CCDC7: variants seen among roughly 807,000 people sequenced by gnomAD.
The protein encoded by CCDC7 is coiled-coil domain-containing protein 7.
A neutral mutation model predicts 196.9 loss-of-function variants in CCDC7; 183 were observed. The observed-to-expected ratio is 0.93, with a 90% CI of 0.82 to 1.05. CCDC7 has a LOEUF of 1.05. Ranked by LOEUF, CCDC7 falls within the 50% of genes least tolerant of loss-of-function variation. CCDC7 has a pLI of 0.00. For synonymous variants in CCDC7, 525 were observed against 484.6 expected, an observed-to-expected ratio of 1.08 and a Z score of -1.10; for missense variants, 1,540 against 1,482.2, an observed-to-expected ratio of 1.04 and a Z score of -0.64.
chr10:32,639,823 G>A (rs2066385095), intron 20 of CCDC7, among the ~76,000 whole-genome samples: 1 of 151,964 alleles, frequency 6.6e-6, no homozygotes, highest in South Asian at 2.1e-4. Flanking sequence ...TAGAGATGGG[G>A]TTTCACCATG....
intron 8 of CCDC7, among the ~76,000 whole-genome samples, chr10:32,488,832 G>T (rs745912489): frequency 2.6e-5 from 4 of 152,084 alleles, no homozygotes; most frequent in Non-Finnish European, 5.9e-5. Flanking sequence ...AGACTTTATG[G>T]ACTAGTTTTA....
chr10:32,587,825 A>G (rs1293126690), intron 18 of CCDC7, among the ~76,000 whole-genome samples: 1 of 152,092 alleles, frequency 6.6e-6, no homozygotes, highest in African/African-American at 2.4e-5. Flanking sequence ...GGACATCCTC[A>G]TTTTTTCCTT....
At chr10:32,759,075 T>G (rs1436458623) in intron 28 of CCDC7, among the ~76,000 whole-genome samples, 1 of 152,174 alleles carries the variant, frequency 6.6e-6, no homozygotes, top group Admixed American at 6.5e-5. Flanking sequence ...TACAAACCAC[T>G]GCTCAATGAA....
chr10:32,810,886 A>G (rs1310288747), intron 30 of CCDC7, among the ~76,000 whole-genome samples: 1 of 152,148 alleles, frequency 6.6e-6, no homozygotes, highest in Non-Finnish European at 1.5e-5. Flanking sequence ...GTGCAAACAC[A>G]TGGAAATTAA....
intron 29 of CCDC7, among the ~76,000 whole-genome samples, chr10:32,792,273 G>A (rs1401570981): frequency 1.3e-5 from 2 of 152,142 alleles, no homozygotes; most frequent in African/African-American, 4.8e-5. Flanking sequence ...CTCATCATGG[G>A]TAGAGATAAA....
chr10:32,494,252 G>A (rs1005004443), intron 9 of CCDC7, among the ~76,000 whole-genome samples: 6 of 151,990 alleles, frequency 3.9e-5, no homozygotes. Flanking sequence ...TTCTTCTGTA[G>A]TCTCTTCAAC....
intron 24 of CCDC7, among the ~76,000 whole-genome samples, chr10:32,708,358 C>T (rs189553481): frequency 1.3e-5 from 2 of 152,230 alleles, no homozygotes; most frequent in East Asian, 1.9e-4. Flanking sequence ...GACCTAAAAC[C>T]ATAAAAACCC....
intron 16 of CCDC7, among the ~76,000 whole-genome samples, chr10:32,575,626 T>G (rs1359953424): frequency 6.6e-6 from 1 of 152,092 alleles, no homozygotes; most frequent in Non-Finnish European, 1.5e-5. Context: ...AGTGGCCTTG[T>G]TGGAAAAAGG....
At chr10:32,636,277 G>A (rs1264164202) in intron 20 of CCDC7, among the ~76,000 whole-genome samples, 3 of 151,802 alleles carry the variant, frequency 2.0e-5, no homozygotes, top group Non-Finnish European at 2.9e-5. Context: ...TGTGCACAAC[G>A]TGCAGGTTTG....
chr10:32,714,252 G>T (rs1223169090), intron 25 of CCDC7, among the ~76,000 whole-genome samples: 1 of 152,152 alleles, frequency 6.6e-6, no homozygotes, highest in African/African-American at 2.4e-5. Flanking sequence ...CAAGGAGGGC[G>T]AGCAGAAGCA....
intron 18 of CCDC7, among the ~76,000 whole-genome samples, chr10:32,632,552 CTT>C (rs1430309302): frequency 6.6e-6 from 1 of 151,754 alleles, no homozygotes; most frequent in Non-Finnish European, 1.5e-5. Flanking sequence ...ACTGAGGTCT[CTT>C]TTCTTTTTCA....
chr10:32,665,403 T>C (rs1406223328), intron 21 of CCDC7, among the ~76,000 whole-genome samples: 1 of 152,020 alleles, frequency 6.6e-6, no homozygotes, highest in Admixed American at 6.6e-5. Context: ...CATAATTGAG[T>C]GTTTCCCATA....
chr10:32,511,828 C>G, intron 9 of CCDC7: 1 of 829,028 alleles, frequency 1.2e-6, no homozygotes, highest in Non-Finnish European at 2.0e-6. Context: ...CTGCCCGCGC[C>G]ACCAGCGGCG....
chr10:32,685,376 TTTG>T (rs1035356765), intron 21 of CCDC7, among the ~76,000 whole-genome samples: 3 of 152,174 alleles, frequency 2.0e-5, no homozygotes, highest in Non-Finnish European at 2.9e-5. Context: ...CCTGCCTTAT[TTTG>T]TTGTTGTCAT....
chr10:32,684,090 T>C (rs2076186291), intron 21 of CCDC7, among the ~76,000 whole-genome samples: 2 of 151,938 alleles, frequency 1.3e-5, no homozygotes, highest in South Asian at 4.2e-4. Flanking sequence ...GTGATCAGGT[T>C]GGGGGGTGGG....
chr10:32,756,388 A>G (rs142746170), intron 28 of CCDC7, among the ~76,000 whole-genome samples: 3,124 of 152,366 alleles, frequency 0.021, 130 homozygotes, highest in African/African-American at 0.071. Context: ...AGGGAAGGCC[A>G]TCAGACTAAC....
chr10:32,506,769 G>GGGGGGCCAAGGCAGGAGAATCACA (rs1246518409), intron 9 of CCDC7, among the ~76,000 whole-genome samples: 4 of 152,088 alleles, frequency 2.6e-5, no homozygotes, highest in African/African-American at 9.7e-5. Flanking sequence ...GGAGAATCAC[G>GGGGGGCCAAGGCAGGAGAATCACA]GGAGCCCGAG....
At chr10:32,611,630 T>A (rs1054710800) in intron 18 of CCDC7, among the ~76,000 whole-genome samples, 2 of 152,252 alleles carry the variant, frequency 1.3e-5, no homozygotes, top group Non-Finnish European at 2.9e-5. Context: ...GTTTCAGTTT[T>A]CTGCCTATGG....
chr10:32,655,242 G>A (rs1564984593), intron 20 of CCDC7, among the ~76,000 whole-genome samples: 1 of 152,096 alleles, frequency 6.6e-6, no homozygotes, highest in Non-Finnish European at 1.5e-5. Flanking sequence ...CTAGAGTGAG[G>A]GGAATGGAAT....
Sources: allele counts gnomAD v4.1 joint callset (sites outside exome capture counted in the v4.1 genomes callset), GRCh38; gene constraint gnomAD v4.1.1; transcripts MANE v1.5; gene names NCBI Gene and HGNC (gene_info 2026-07-23, HGNC 2026-07-21).